Variants in SPATA22 observed in about 807,000 individuals in gnomAD.
The protein encoded by SPATA22 is spermatogenesis associated 22, also known as spermatogenesis-associated protein 22.
A neutral mutation model predicts 47.8 loss-of-function variants in SPATA22; 29 were observed. That is an observed-to-expected ratio of 0.61 (90% CI 0.45 to 0.83). The LOEUF is 0.83. Ranked by LOEUF, SPATA22 falls within the 40% of genes least tolerant of loss-of-function variation. The pLI, the probability that SPATA22 is intolerant of heterozygous loss-of-function variation, is 0.00. For synonymous variants in SPATA22, 133 were observed against 140.9 expected, an observed-to-expected ratio of 0.94 and a Z score of 0.40; for missense variants, 410 against 421.7, an observed-to-expected ratio of 0.97 and a Z score of 0.24.
intron 1 of SPATA22, chr17:3,489,367 A>G (rs779738539): frequency 6.5e-7 from 1 of 1,538,832 alleles, no homozygotes; most frequent in South Asian, 1.1e-5. Flanking sequence ...AGGTAACGTT[A>G]TCAAACTTAA....
At position 3,470,750 on chromosome 17, in the gene SPATA22, C is replaced by A. The variant is rs1256142625; in HGVS notation, c.-74+932G>T. On this transcript the variant is annotated intron_variant, in intron 1 of 8. Coordinates refer to ENST00000572969, the MANE Select transcript of SPATA22 (RefSeq NM_001170698.2). ...TGGGCGACAGAGCGAGACTCCGTCT[C>A]AAAAAAAAAAGAAAAAAAAACAACT... Among the ~76,000 whole-genome samples the A allele has an allele frequency of 7.5e-5, 11 of 147,204 alleles. No individual in the cohort carries two copies. The East Asian group carries it at 8.6e-4, about 12-fold the overall frequency.
intron 5 of SPATA22, among the ~76,000 whole-genome samples, chr17:3,455,995 T>G (rs981783388): frequency 2.0e-5 from 3 of 152,214 alleles, no homozygotes; most frequent in African/African-American, 7.2e-5. Flanking sequence ...TAGTTCTCCT[T>G]GAAGAGGTCC....
intron 5 of SPATA22, among the ~76,000 whole-genome samples, chr17:3,454,642 T>C (rs1197605040): frequency 2.0e-5 from 3 of 152,160 alleles, no homozygotes; most frequent in Non-Finnish European, 2.9e-5. Flanking sequence ...TCATTTTTTA[T>C]GGCTGCATAG....
At chr17:3,494,706 A>C (rs2073881646) in intron 1 of SPATA22, among the ~76,000 whole-genome samples, 1 of 152,212 alleles carries the variant, frequency 6.6e-6, no homozygotes. Flanking sequence ...GTGTAGGTAC[A>C]CAAAAGTCTA....
Position 3,465,003 on chromosome 17 carries a change from G to A in SPATA22, c.173-2236C>T, listed in dbSNP as rs1471192468. On this transcript the variant is annotated intron_variant, in intron 3 of 8. Transcript: ENST00000572969. Reference sequence around the variant, plus strand: ...GCCCCTCTGCCCGGCCAGCCGCTCCGTCCGGGAGGGAGGTGGGGGGGTCAG... The same window carrying A: ...GCCCCTCTGCCCGGCCAGCCGCTCCATCCGGGAGGGAGGTGGGGGGGTCAG... 6.8e-4 allele frequency among the ~76,000 whole-genome samples: 74 copies of A among 109,594 alleles called. 11 individuals carry two copies. The highest frequency in any genetic ancestry group is 9.8e-4 in the Non-Finnish European group (43 of 43,984). The allele number at this position is 109,594 out of a possible 152,430, so 71.9% of individuals were successfully genotyped here.
intron 1 of SPATA22, among the ~76,000 whole-genome samples, chr17:3,507,023 G>A (rs976413959): frequency 1.5e-4 from 23 of 151,682 alleles, no homozygotes; most frequent in Non-Finnish European, 7.4e-5. Context: ...AGGGGAGGAG[G>A]GAGTGGGGAG....
chr17:3,471,797 CCCG>C lies in SPATA22; in HGVS notation c.-192_-190del, dbSNP rs2073444153. 2 of 985,448 alleles carry C rather than the reference CCCG, an allele frequency of 2.0e-6. No homozygotes were observed. Among genetic ancestry groups the C allele is most frequent in the South Asian group, 9.4e-5 (2 of 21,304 alleles). The allele number at this position is 985,448 out of a possible 1,614,324, so 61.0% of individuals were successfully genotyped here. A position where few individuals can be genotyped will look rare whatever the true frequency, so the allele number is the denominator to read the frequency against. On this transcript the variant is annotated 5_prime_UTR_variant, in exon 1 of 9. Coordinates refer to ENST00000572969, the MANE Select transcript of SPATA22 (RefSeq NM_001170698.2). Reference sequence around the variant, plus strand: ...CCGTCAGCAACCGCCGCCCTTCCCGCCCGCGAAGAAAGCGCGGGAATCAGGCTG... The same window carrying C: ...CCGTCAGCAACCGCCGCCCTTCCCGCCGAAGAAAGCGCGGGAATCAGGCTG...
At chr17:3,443,609 A>T (rs907176500) in intron 7 of SPATA22, among the ~76,000 whole-genome samples, 6 of 152,040 alleles carry the variant, frequency 3.9e-5, no homozygotes, top group Non-Finnish European at 7.4e-5. Flanking sequence ...TAAAATGCAC[A>T]TGTGTAACAA....
intron 1 of SPATA22, among the ~76,000 whole-genome samples, chr17:3,489,662 C>T (rs1277657423): frequency 6.6e-6 from 1 of 152,194 alleles, no homozygotes; most frequent in Non-Finnish European, 1.5e-5. Context: ...TAAGAAGTCA[C>T]TTCCCCCATT....
intron 5 of SPATA22, among the ~76,000 whole-genome samples, chr17:3,456,693 T>G (rs1285498406): frequency 6.6e-6 from 1 of 152,048 alleles, no homozygotes; most frequent in East Asian, 1.9e-4. Flanking sequence ...CCCTAACTCA[T>G]TTTATGAGGC....
At chr17:3,470,478 A>T (rs1414612841) in intron 1 of SPATA22, among the ~76,000 whole-genome samples, 1 of 152,136 alleles carries the variant, frequency 6.6e-6, no homozygotes, top group African/African-American at 2.4e-5. Flanking sequence ...GGCCGGGTGC[A>T]GTGGCTCACG....
intron 8 of SPATA22, chr17:3,441,733 A>C (rs1475768769): frequency 6.6e-6 from 1 of 152,098 alleles, no homozygotes; most frequent in African/African-American, 2.4e-5. Flanking sequence ...CATAACAGCA[A>C]AAAATCCAGA....
At chr17:3,454,487 C>T (rs2072939017) in intron 5 of SPATA22, among the ~76,000 whole-genome samples, 1 of 150,872 alleles carries the variant, frequency 6.6e-6, no homozygotes, top group East Asian at 2.0e-4. Context: ...GTGTGATGTT[C>T]CCCTTCCTGT....
intron 6 of SPATA22, among the ~76,000 whole-genome samples, chr17:3,447,509 A>G (rs1203482811): frequency 1.3e-5 from 2 of 152,336 alleles, no homozygotes; most frequent in East Asian, 3.9e-4. Flanking sequence ...ATTCTTGAGT[A>G]CAAGGAAACA....
chr17:3,475,625 T>G (rs1284346091), upstream of SPATA22: 1 of 161,364 alleles, frequency 6.2e-6, no homozygotes, highest in Admixed American at 5.8e-5. Context: ...TGGCTGTTTA[T>G]AGAGGTGAGA....
At chr17:3,469,756 A>C (rs962096666) in intron 1 of SPATA22, among the ~76,000 whole-genome samples, 2 of 152,192 alleles carry the variant, frequency 1.3e-5, no homozygotes, top group Non-Finnish European at 2.9e-5. Flanking sequence ...CCAAGGAGGA[A>C]ACACAGTATT....
intron 1 of SPATA22, chr17:3,500,504 T>C (rs547096770): frequency 1.3e-4 from 3 of 22,516 alleles, no homozygotes; most frequent in African/African-American, 2.1e-4. Flanking sequence ...AAAACTCTTG[T>C]TTTTTGTTTT....
upstream of SPATA22, among the ~76,000 whole-genome samples, chr17:3,472,697 T>C (rs2073461694): frequency 6.6e-6 from 1 of 152,226 alleles, no homozygotes; most frequent in Non-Finnish European, 1.5e-5. Context: ...GTTGTTACCG[T>C]ATCTTCTAAC....
intron 1 of SPATA22, chr17:3,513,348 C>G (rs994704492): frequency 6.5e-6 from 1 of 152,866 alleles, no homozygotes; most frequent in African/African-American, 2.4e-5. Flanking sequence ...TCCTTTTCCC[C>G]GAAGGGTTCC....
Sources: allele counts gnomAD v4.1 joint callset (sites outside exome capture counted in the v4.1 genomes callset), GRCh38; gene constraint gnomAD v4.1.1; transcripts MANE v1.5; gene names NCBI Gene and HGNC (gene_info 2026-07-23, HGNC 2026-07-21).